The following RABGAP1 variants were observed in gnomAD, a reference collection of about 807,000 sequenced individuals.
RABGAP1 encodes rab GTPase-activating protein 1.
RABGAP1 carries 23 observed loss-of-function variants against 137.6 expected under a neutral mutation model. The observed-to-expected ratio is 0.17, with a 90% CI of 0.12 to 0.24. The LOEUF (loss-of-function observed/expected upper bound fraction) is 0.24. RABGAP1 is among the 10% of genes least tolerant of loss of function. The pLI is 1.00. For synonymous variants in RABGAP1, 451 were observed against 450.7 expected (o/e 1.00, Z -0.01); for missense variants, 906 against 1,275.8 (o/e 0.71, Z 4.42).
intron 13 of RABGAP1, among the ~76,000 whole-genome samples, chr9:123,048,853 A>G (rs2033334788): frequency 2.6e-5 from 4 of 152,248 alleles, no homozygotes; most frequent in South Asian, 2.1e-4. Flanking sequence ...ATAGCAAACC[A>G]GGAAAAGGTT....
chr9:123,062,681 A>G (rs1458843638), intron 13 of RABGAP1: 1 of 152,226 alleles, frequency 6.6e-6, no homozygotes, highest in Non-Finnish European at 1.5e-5. Context: ...ATTAATGGAT[A>G]TGGGATGGCA....
intron 3 of RABGAP1, among the ~76,000 whole-genome samples, chr9:122,985,611 CAAA>C (rs34147826): frequency 3.1e-4 from 28 of 91,108 alleles, no homozygotes; most frequent in Non-Finnish European, 4.9e-4. Flanking sequence ...GACTCCGTCT[CAAA>C]AAAAAAAAAA....
intron 19 of RABGAP1, among the ~76,000 whole-genome samples, chr9:123,083,296 T>C (rs2034769580): frequency 6.6e-6 from 1 of 152,230 alleles, no homozygotes; most frequent in South Asian, 2.1e-4. Flanking sequence ...TGTGTCAGAG[T>C]TGAAACTTAT....
At position 123,097,828 on chromosome 9, in the gene RABGAP1, G is replaced by A. The variant is rs369259206; in HGVS notation, c.2716G>A (p.Glu906Lys). The change falls in exon 22 of 26, where the codon GAA becomes AAA. Residue 906 changes from glutamate (E) to lysine (K), a missense_variant. Coordinates refer to ENST00000373647, the MANE Select transcript of RABGAP1 (RefSeq NM_012197.4). The stretch of plus-strand genomic sequence containing the variant: ...TGCAGAAGAAGAGAAAAGACGGCTG[G>A]AAGAAGAGTCTGCTCAGGTAAGGGA... ...IDAEEEKRRL[E>K]EESAQLKEMC... The A allele has an allele frequency of 3.1e-6, 5 of 1,613,548 alleles. No individual in the cohort carries two copies. The Admixed American group carries it at 8.3e-5, about 27-fold the overall frequency.
chr9:122,997,474 G>A (rs996061564), intron 9 of RABGAP1, 113 bp downstream of exon 9: 3 of 611,216 alleles, frequency 4.9e-6, no homozygotes, highest in South Asian at 3.7e-5. Flanking sequence ...TGATGAAACC[G>A]AAGAATTTGA....
intron 2 of RABGAP1, chr9:122,971,600 G>T (rs979816783): frequency 6.6e-6 from 1 of 151,942 alleles, no homozygotes; most frequent in African/African-American, 2.4e-5. Flanking sequence ...CATTTAAAAA[G>T]AACAAAATAT....
At chr9:123,102,354 A>G (rs1293248409) in intron 25 of RABGAP1, among the ~76,000 whole-genome samples, 1 of 152,162 alleles carries the variant, frequency 6.6e-6, no homozygotes. Flanking sequence ...ACTAAACCCT[A>G]AGCACTGTTT....
chr9:123,074,503 TCAGCTCTGTCAAAA>T, intron 17 of RABGAP1, 75 bp downstream of exon 17: 1 of 1,420,744 alleles, frequency 7.0e-7, no homozygotes, highest in South Asian at 1.4e-5. Context: ...GTTTTGAGTG[TCAGCTCTGTCAAAA>T]CAGAATTGGT....
At chr9:123,082,621 A>G (rs1489321205) in intron 19 of RABGAP1, among the ~76,000 whole-genome samples, 5 of 152,224 alleles carry the variant, frequency 3.3e-5, no homozygotes, top group African/African-American at 1.2e-4. Flanking sequence ...TGAGTTTCCT[A>G]GATCAGACCT....
chr9:123,030,230 A>G (rs1253651854), intron 13 of RABGAP1, among the ~76,000 whole-genome samples: 2 of 152,184 alleles, frequency 1.3e-5, no homozygotes, highest in Admixed American at 1.3e-4. Context: ...AGTACCAAAG[A>G]CTGTCTGAAG....
intron 12 of RABGAP1, among the ~76,000 whole-genome samples, chr9:123,016,066 C>A (rs1402629493): frequency 1.3e-5 from 2 of 152,122 alleles, no homozygotes; most frequent in Non-Finnish European, 2.9e-5. Context: ...GTGTCATAAG[C>A]ATGGTATATA....
chr9:123,032,537 C>T (rs1156904864), intron 13 of RABGAP1, among the ~76,000 whole-genome samples: 1 of 152,178 alleles, frequency 6.6e-6, no homozygotes, highest in East Asian at 1.9e-4. Context: ...TCATCGCATT[C>T]TGATTATGGG....
chr9:123,005,500 T>C (rs2030163476), intron 10 of RABGAP1, among the ~76,000 whole-genome samples: 1 of 152,186 alleles, frequency 6.6e-6, no homozygotes, highest in Non-Finnish European at 1.5e-5. Flanking sequence ...GAAATAAAAA[T>C]TAGCATACTC....
At chr9:122,954,990 T>C (rs1187111997) in intron 1 of RABGAP1, among the ~76,000 whole-genome samples, 1 of 152,124 alleles carries the variant, frequency 6.6e-6, no homozygotes. Context: ...AAATGTAAAA[T>C]GCTGTAGGAA....
intron 17 of RABGAP1, among the ~76,000 whole-genome samples, chr9:123,075,418 C>G (rs2034480308): frequency 6.6e-6 from 1 of 152,060 alleles, no homozygotes; most frequent in South Asian, 2.1e-4. Context: ...TTTAATTATG[C>G]TATATTCAAA....
At chr9:122,991,785 T>G (rs561011002) in intron 6 of RABGAP1, among the ~76,000 whole-genome samples, 1 of 151,788 alleles carries the variant, frequency 6.6e-6, no homozygotes, top group South Asian at 2.1e-4. Context: ...TTTTAAGTTT[T>G]TCTAGAGATG....
chr9:122,934,056 T>A, the RABGAP1 span, among the ~76,000 whole-genome samples: 2 of 151,776 alleles, frequency 1.3e-5, no homozygotes, highest in East Asian at 3.9e-4. Context: ...TACCTGGCCC[T>A]TTTCCTAACC....
At chr9:123,057,916 G>A (rs2033802709) in intron 13 of RABGAP1, among the ~76,000 whole-genome samples, 1 of 152,226 alleles carries the variant, frequency 6.6e-6, no homozygotes, top group African/African-American at 2.4e-5. Flanking sequence ...AGTCAGGCGT[G>A]GCGGCGCGCG....
chr9:123,028,516 G>T lies in RABGAP1; in HGVS notation c.1794+8057G>T, dbSNP rs148290770. Among the ~76,000 whole-genome samples the T allele has an allele frequency of 3.9e-3, 598 of 152,344 alleles. 5 individuals carry two copies. The highest frequency in any genetic ancestry group is 6.8e-3 in the Middle Eastern group (2 of 294). ...TCAGAAATTAGCCAGGGGTTGGATA[G>T]TTGGGGTGGGATAGGGTGCTGCATA... is the stretch of plus-strand genomic sequence containing the variant. On this transcript the variant is annotated intron_variant, in intron 13 of 25. Transcript: ENST00000373647.
Sources: allele counts gnomAD v4.1 joint callset (sites outside exome capture counted in the v4.1 genomes callset), GRCh38; gene constraint gnomAD v4.1.1; transcripts MANE v1.5; gene names NCBI Gene and HGNC (gene_info 2026-07-23, HGNC 2026-07-21).